The following KLHL7 variants were observed in gnomAD, a reference collection of about 807,000 sequenced individuals.
KLHL7 encodes the protein kelch like family member 7, also known as kelch-like protein 7.
Under a neutral mutation model 67.4 loss-of-function variants are expected in KLHL7, and 44 were observed. The observed-to-expected ratio is 0.65, with a 90% CI of 0.51 to 0.84. The LOEUF (loss-of-function observed/expected upper bound fraction) is 0.84, where lower values mean the gene tolerates loss of function less well. Among genes scored for constraint, KLHL7 ranks in the 40% least tolerant of loss-of-function variants. KLHL7 has a pLI of 0.00. For missense variants in KLHL7, 362 were observed against 718.1 expected, an observed-to-expected ratio of 0.50 and a Z score of 5.67; for synonymous variants, 252 against 243.3, an observed-to-expected ratio of 1.04 and a Z score of -0.33.
intron 7 of KLHL7, among the ~76,000 whole-genome samples, chr7:23,163,902 G>T (rs924330562): frequency 2.6e-5 from 4 of 152,034 alleles, no homozygotes; most frequent in African/African-American, 9.7e-5. Context: ...ATATTTTTAG[G>T]GTAACAGCTC....
chr7:23,111,205 A>G (rs991894969), intron 1 of KLHL7, among the ~76,000 whole-genome samples: 2 of 152,178 alleles, frequency 1.3e-5, no homozygotes, highest in African/African-American at 2.4e-5. Context: ...TGAGAGCTGA[A>G]ATAAGAGTAG....
At chr7:23,161,290 C>G (rs918448928) in intron 7 of KLHL7, among the ~76,000 whole-genome samples, 2 of 152,152 alleles carry the variant, frequency 1.3e-5, no homozygotes, top group African/African-American at 4.8e-5. Context: ...GTATTTTACT[C>G]TCACCATTTT....
intron 4 of KLHL7, among the ~76,000 whole-genome samples, chr7:23,128,422 TAAAAAAAAAAAAAAAAA>T (rs201757686): frequency 1.2e-4 from 14 of 116,910 alleles, no homozygotes; most frequent in Non-Finnish European, 1.2e-4. Flanking sequence ...TCTTTGGGTT[TAAAAAAAAAAAAAAAAA>T]AAAAAAAAAA....
intron 9 of KLHL7, 85 bp downstream of exon 9, chr7:23,168,122 C>G: frequency 7.5e-7 from 1 of 1,333,786 alleles, no homozygotes; most frequent in Non-Finnish European, 1.1e-6. Context: ...AGGAACCCAA[C>G]AGAAGAATTT....
intron 4 of KLHL7, among the ~76,000 whole-genome samples, chr7:23,132,756 T>C (rs1269742769): frequency 2.0e-5 from 3 of 152,222 alleles, no homozygotes; most frequent in Non-Finnish European, 2.9e-5. Context: ...CAGTGTTTTC[T>C]TGTTATTTCA....
At position 23,144,077 on chromosome 7, in the gene KLHL7, T is replaced by C. The variant is rs530553079; in HGVS notation, c.793+52T>C. 12 of 1,477,452 alleles carry C rather than the reference T, an allele frequency of 8.1e-6. No homozygotes were observed. The East Asian group carries it at 1.8e-4, about 22-fold the overall frequency. 91.5% of individuals were successfully genotyped at this position (1,477,452 alleles called of 1,614,324 possible). A position where few individuals can be genotyped will look rare whatever the true frequency, so the allele number is the denominator to read the frequency against. ...ACCTGATCATGTAGCCAGTTTCTCA[T>C]GGGCTTAAAACCCTTTAGAATGGAT... On this transcript the variant is annotated intron_variant, in intron 6 of 10. Transcript: ENST00000339077.
At chr7:23,137,991 C>G (rs1490942752) in intron 4 of KLHL7, among the ~76,000 whole-genome samples, 8 of 147,146 alleles carry the variant, frequency 5.4e-5, no homozygotes, top group East Asian at 2.1e-4. Context: ...GCCTGGCCAA[C>G]ATGGTAAAAC....
chr7:23,144,174 C>A, intron 6 of KLHL7, 149 bp downstream of exon 6: 1 of 711,156 alleles, frequency 1.4e-6, no homozygotes, highest in Non-Finnish European at 2.4e-6. Context: ...GGTTTCTGAA[C>A]TGTACACCTG....
At chr7:23,142,343 C>G (rs879740990) in intron 5 of KLHL7, among the ~76,000 whole-genome samples, 2 of 152,138 alleles carry the variant, frequency 1.3e-5, no homozygotes, top group Non-Finnish European at 2.9e-5. Context: ...TTTTAAGTTG[C>G]TTTTGTTCTA....
Position 23,175,130 on chromosome 7 carries a change from T to C in KLHL7, c.*832T>C. ...ATCATTAGAAAAGCACTGGTAGTTGTACAATATCAGTGTTGACTTTGAACT... is the reference window on the plus strand; with the variant it reads ...ATCATTAGAAAAGCACTGGTAGTTGCACAATATCAGTGTTGACTTTGAACT... On this transcript the variant is annotated 3_prime_UTR_variant, in exon 11 of 11. Coordinates refer to ENST00000339077, the MANE Select transcript of KLHL7 (RefSeq NM_001031710.3). 1 of 454,124 alleles carries C rather than the reference T, an allele frequency of 2.2e-6. No individual in the cohort carries two copies. The highest frequency in any genetic ancestry group is 4.4e-6 in the Non-Finnish European group (1 of 226,770). The allele number at this position is 454,124 out of a possible 1,614,324, so 28.1% of individuals were successfully genotyped here.
rs1330911824 is a variant in KLHL7, at chr7:23,175,280, A to T, written c.*982A>T. ...ATCTCCTATTCATTGCTTTTATGTG[A>T]TCAATAAATCTTTTACAAACCCAAC... On this transcript the variant is annotated 3_prime_UTR_variant, in exon 11 of 11. Coordinates refer to ENST00000339077, the MANE Select transcript of KLHL7 (RefSeq NM_001031710.3). 2.2e-6 allele frequency: 1 copy of T among 453,994 alleles called. No individual in the cohort carries two copies. The highest frequency in any genetic ancestry group is 4.4e-6 in the Non-Finnish European group (1 of 226,748). The allele number at this position is 453,994 out of a possible 1,614,324, so 28.1% of individuals were successfully genotyped here.
At chr7:23,162,188 G>A (rs1583724243) in intron 7 of KLHL7, among the ~76,000 whole-genome samples, 1 of 152,140 alleles carries the variant, frequency 6.6e-6, no homozygotes, top group African/African-American at 2.4e-5. Flanking sequence ...GGCTAAAGAC[G>A]CAGCTTTGGA....
intron 1 of KLHL7, chr7:23,117,690 G>A (rs969288141): frequency 3.9e-6 from 3 of 777,722 alleles, no homozygotes; most frequent in Non-Finnish European, 5.9e-6. Flanking sequence ...CTGCTTTTCT[G>A]ACAAATGTGA....
chr7:23,113,154 ATCATCTGCT>A (rs1782944753), intron 1 of KLHL7, among the ~76,000 whole-genome samples: 1 of 152,026 alleles, frequency 6.6e-6, no homozygotes, highest in Non-Finnish European at 1.5e-5. Flanking sequence ...ATAGAATGAG[ATCATCTGCT>A]AAAATGAAGG....
chr7:23,145,324 T>C (rs1285024825), intron 6 of KLHL7, among the ~76,000 whole-genome samples: 1 of 152,116 alleles, frequency 6.6e-6, no homozygotes, highest in East Asian at 1.9e-4. Flanking sequence ...TACTTTTTAA[T>C]TTCTGGAGTT....
intron 4 of KLHL7, among the ~76,000 whole-genome samples, chr7:23,134,956 T>C (rs1178906103): frequency 6.6e-6 from 1 of 152,290 alleles, no homozygotes; most frequent in East Asian, 1.9e-4. Flanking sequence ...TTTTCTCTGA[T>C]CTTTATTTCT....
intron 1 of KLHL7, among the ~76,000 whole-genome samples, chr7:23,107,836 C>T (rs1232113713): frequency 6.6e-6 from 1 of 152,226 alleles, no homozygotes; most frequent in East Asian, 1.9e-4. Flanking sequence ...GCACTTTTAT[C>T]AACTTCATGG....
chr7:23,160,357 A>G (rs547020433), intron 7 of KLHL7, among the ~76,000 whole-genome samples: 11 of 152,330 alleles, frequency 7.2e-5, no homozygotes, highest in Non-Finnish European at 1.5e-4. Flanking sequence ...ACTCAACTTC[A>G]GACTGAGTTT....
At chr7:23,153,228 G>A (rs912101249) in intron 7 of KLHL7, among the ~76,000 whole-genome samples, 13 of 148,800 alleles carry the variant, frequency 8.7e-5, no homozygotes, top group Non-Finnish European at 1.9e-4. Flanking sequence ...AGGCGGCGGG[G>A]GGGCTACAAC....
Sources: allele counts gnomAD v4.1 joint callset (sites outside exome capture counted in the v4.1 genomes callset), GRCh38; gene constraint gnomAD v4.1.1; transcripts MANE v1.5; gene names NCBI Gene and HGNC (gene_info 2026-07-23, HGNC 2026-07-21).